Variants in NLRP8 observed in about 807,000 individuals in gnomAD.
The protein encoded by NLRP8 is NLR family pyrin domain containing 8, also known as NACHT, LRR and PYD domains-containing protein 8.
Under a neutral mutation model 88.7 loss-of-function variants are expected in NLRP8, and 86 were observed. The ratio of observed to expected loss-of-function variants is 0.97; its 90% CI spans 0.81 to 1.16. The LOEUF is 1.16. Ranked by LOEUF, NLRP8 falls within the 50% of genes most tolerant of loss-of-function variation. The probability of loss-of-function intolerance (pLI) is 0.00; values close to 1 mark genes in which losing one functional copy is unlikely to be tolerated. For missense variants in NLRP8, 1,342 were observed against 1,286.5 expected (o/e 1.04, Z -0.66); for synonymous variants, 504 against 494.6 (o/e 1.02, Z -0.25).
chr19:55,955,738 C>A lies in NLRP8; in HGVS notation c.1680C>A (p.Phe560Leu). 6.2e-7 allele frequency: 1 copy of A among 1,614,074 alleles called. No homozygotes were observed. The highest frequency in any genetic ancestry group is 1.1e-5 in the South Asian group (1 of 91,076). ...TCTCTCACATGGGACTTTTCTTATT[C>A]GGTTTTCTGAACGAGGCCTGCGCTT... is the stretch of plus-strand genomic sequence containing the variant. The change falls in exon 3 of 10, where the codon TTC becomes TTA. Residue 560 changes from phenylalanine (F) to leucine (L), a missense_variant. Phe to Leu is a conservative substitution (Grantham distance 22). Transcript: ENST00000291971.
Position 55,973,750 on chromosome 19 carries a change from C to A in NLRP8, c.2633C>A (p.Ala878Asp). Residue 878 changes from alanine (A) to aspartate (D), a missense_variant, in exon 7 of 10, where the codon GCC (alanine) becomes GAC (aspartate). Ala to Asp is a moderately radical substitution (Grantham distance 126). Transcript: ENST00000291971. ...ACCCACCTGAGCTTGGCAGAAAACGCCTTGAAAGATGAAGGGGCCAAGCAT... is the reference window on the plus strand; with the variant it reads ...ACCCACCTGAGCTTGGCAGAAAACGACTTGAAAGATGAAGGGGCCAAGCAT... 14 of 1,614,040 alleles carry A rather than the reference C, an allele frequency of 8.7e-6. No individual in the cohort carries two copies. Among genetic ancestry groups the A allele is most frequent in the Non-Finnish European group, 1.2e-5 (14 of 1,179,956 alleles).
intron 8 of NLRP8, among the ~76,000 whole-genome samples, chr19:55,978,404 T>C (rs578143098): frequency 6.6e-6 from 1 of 152,072 alleles, no homozygotes; most frequent in South Asian, 2.1e-4. Context: ...TGAAATTGCA[T>C]GACGTATAAA....
chr19:55,988,066 G>A lies in NLRP8; in HGVS notation c.*153G>A, dbSNP rs1980937616. 1 of 626,660 alleles carries A rather than the reference G, an allele frequency of 1.6e-6. No homozygotes were observed. The allele number at this position is 626,660 out of a possible 1,614,324, so 38.8% of individuals were successfully genotyped here. A position where few individuals can be genotyped will look rare whatever the true frequency, so the allele number is the denominator to read the frequency against. On this transcript the variant is annotated 3_prime_UTR_variant, in exon 10 of 10. Coordinates refer to ENST00000291971, the MANE Select transcript of NLRP8 (RefSeq NM_176811.2). ...CCACAGAACCTCAGCTTTGAACCCT[G>A]GAGTGAGGACGGTGATGCCCTGTGT... is the stretch of plus-strand genomic sequence containing the variant.
At position 55,956,234 on chromosome 19, in the gene NLRP8, T is replaced by A. The variant is rs535607082; in HGVS notation, c.2042+134T>A. ...AGCCTAGTTTGCACAGTACTTCTGT[T>A]GCTTTGTTTTGTTTTGTTTTGTTTT... On this transcript the variant is annotated intron_variant, in intron 3 of 9. Transcript: ENST00000291971. The A allele has an allele frequency of 1.2e-4, 110 of 917,060 alleles. No individual in the cohort carries two copies. The African/African-American group carries it at 1.7e-3, about 14-fold the overall frequency. 56.8% of individuals were successfully genotyped at this position (917,060 alleles called of 1,614,324 possible).
At chr19:55,951,145 G>A (rs1402319515) in intron 1 of NLRP8, among the ~76,000 whole-genome samples, 1 of 152,114 alleles carries the variant, frequency 6.6e-6, no homozygotes, top group Admixed American at 6.6e-5. Flanking sequence ...GCCTTTCCAT[G>A]TTCCTCAGGG....
intron 4 of NLRP8, among the ~76,000 whole-genome samples, chr19:55,963,265 C>T (rs1444041591): frequency 3.9e-5 from 6 of 152,172 alleles, no homozygotes; most frequent in Non-Finnish European, 5.9e-5. Context: ...CTGCCCTCCT[C>T]GGCCTCCCAA....
chr19:55,951,448 C>T (rs994076982), intron 1 of NLRP8, among the ~76,000 whole-genome samples: 18 of 152,178 alleles, frequency 1.2e-4, no homozygotes, highest in Admixed American at 4.6e-4. Flanking sequence ...AGAACTACCA[C>T]ACATAACAAG....
rs1189355329 is a variant in NLRP8, at chr19:55,961,669, G to A, written c.2043-398G>A. ...ATACAAAAATCAGTCAGGTGTGGTG[G>A]CGTGTGCCTGTAACCCCAGCTCCTC... On this transcript the variant is annotated intron_variant, in intron 3 of 9. Transcript: ENST00000291971. Among the ~76,000 whole-genome samples, 5 of 152,218 alleles carry A rather than the reference G, an allele frequency of 3.3e-5. No individual in the cohort carries two copies. In the East Asian group the frequency reaches 9.7e-4, roughly 29 times the overall value.
chr19:55,986,476 A>G (rs1009758023), intron 9 of NLRP8, among the ~76,000 whole-genome samples: 1 of 130,018 alleles, frequency 7.7e-6, no homozygotes, highest in Non-Finnish European at 1.7e-5. Context: ...TCTCACATAC[A>G]CACACACACA....
chr19:55,976,024 A>C, intron 7 of NLRP8, 109 bp from the exon 8 acceptor site: 1 of 1,111,944 alleles, frequency 9.0e-7, no homozygotes, highest in South Asian at 1.9e-5. Flanking sequence ...AAATAAAAAC[A>C]GAACCCAAAA....
chr19:55,977,462 G>T (rs1980399149), intron 8 of NLRP8, among the ~76,000 whole-genome samples: 1 of 139,952 alleles, frequency 7.1e-6, no homozygotes, highest in African/African-American at 2.6e-5. Flanking sequence ...ATATTATGTT[G>T]TATATTATAT....
At chr19:55,972,817 G>A (rs1014745431) in intron 6 of NLRP8, among the ~76,000 whole-genome samples, 24 of 112,138 alleles carry the variant, frequency 2.1e-4, no homozygotes, top group African/African-American at 7.4e-4. Flanking sequence ...GTATGTGTGT[G>A]TGTGTGTGTG....
intron 9 of NLRP8, among the ~76,000 whole-genome samples, chr19:55,986,994 A>C (rs1205484395): frequency 6.6e-6 from 1 of 152,242 alleles, no homozygotes; most frequent in Non-Finnish European, 1.5e-5. Context: ...CATTTTGCTG[A>C]AAAGATCTTC....
intron 9 of NLRP8, among the ~76,000 whole-genome samples, chr19:55,984,068 G>A (rs1980692455): frequency 6.6e-6 from 1 of 151,908 alleles, no homozygotes; most frequent in Non-Finnish European, 1.5e-5. Context: ...TTGCACTGGA[G>A]GTCCTAGTCA....
At chr19:55,970,093 T>C (rs1308396601) in intron 5 of NLRP8, among the ~76,000 whole-genome samples, 1 of 152,208 alleles carries the variant, frequency 6.6e-6, no homozygotes, top group Non-Finnish European at 1.5e-5. Context: ...TAACCTATTA[T>C]TTCAAAGTTG....
intron 9 of NLRP8, among the ~76,000 whole-genome samples, chr19:55,986,401 CTG>C (rs1341819925): frequency 1.3e-5 from 2 of 151,248 alleles, no homozygotes; most frequent in African/African-American, 4.9e-5. Flanking sequence ...CACATACACA[CTG>C]TCTCTGTCTC....
rs184047465 is a variant in NLRP8, at chr19:55,979,247, T to C, written c.2877-147T>C. 1.1e-3 allele frequency: 905 copies of C among 825,300 alleles called. 3 individuals carry two copies. Among genetic ancestry groups the C allele is most frequent in the Non-Finnish European group, 1.5e-3 (792 of 517,858 alleles). 51.1% of individuals were successfully genotyped at this position (825,300 alleles called of 1,614,324 possible). A position where few individuals can be genotyped will look rare whatever the true frequency, so the allele number is the denominator to read the frequency against. ...CACCAAAAGGACACAAAGAAACTGATTGACTATAGGTGAATAGACCATAGT... is the reference window on the plus strand; with the variant it reads ...CACCAAAAGGACACAAAGAAACTGACTGACTATAGGTGAATAGACCATAGT... On this transcript the variant is annotated intron_variant, in intron 8 of 9. Transcript: ENST00000291971.
At position 55,988,444 on chromosome 19, in the gene NLRP8, G is replaced by GTATATATATATATA. The variant is rs988702128; in HGVS notation, c.*543_*556dup. 72 of 106,480 alleles carry GTATATATATATATA rather than the reference G, an allele frequency of 6.8e-4. No homozygotes were observed. Among genetic ancestry groups the GTATATATATATATA allele is most frequent in the African/African-American group, 1.5e-3 (39 of 26,488 alleles). The allele number at this position is 106,480 out of a possible 1,614,324, so 6.6% of individuals were successfully genotyped here. On this transcript the variant is annotated 3_prime_UTR_variant, in exon 10 of 10. Transcript: ENST00000291971. The stretch of plus-strand genomic sequence containing the variant: ...CACATAAATATATATATGTGTGTGT[G>GTATATATATATATA]TATATATATATATATATATATATAT...
intron 2 of NLRP8, 64 bp downstream of exon 2, chr19:55,952,676 C>A: frequency 1.5e-6 from 2 of 1,357,820 alleles, no homozygotes; most frequent in Non-Finnish European, 2.1e-6. Context: ...ATGAGCTGCT[C>A]AGTTGCTAAG....
Sources: gnomAD v4.1 joint callset for allele counts (sites outside exome capture counted in the v4.1 genomes callset) on GRCh38, gnomAD v4.1.1 for gene constraint, MANE v1.5 for transcripts, NCBI Gene and HGNC (gene_info 2026-07-23, HGNC 2026-07-21) for gene names.